Variants in EYA3 observed in about 807,000 individuals in gnomAD.
EYA3 encodes the protein protein phosphatase EYA3.
A neutral mutation model predicts 80.0 loss-of-function variants in EYA3; 39 were observed. That is an observed-to-expected ratio of 0.49 (90% CI 0.38 to 0.64). The LOEUF is 0.64. Among genes scored for constraint, EYA3 ranks in the 30% least tolerant of loss-of-function variants. The pLI is 0.00. For synonymous variants in EYA3, 206 were observed against 232.8 expected (o/e 0.88, Z 1.05); for missense variants, 523 against 676.1 (o/e 0.77, Z 2.51).
chr1:27,975,369 T>A (rs1194095788), intron 17 of EYA3, among the ~76,000 whole-genome samples: 1 of 152,002 alleles, frequency 6.6e-6, no homozygotes, highest in African/African-American at 2.4e-5. Flanking sequence ...TTTGTAGAGA[T>A]GAAGCCTCAC....
chr1:27,989,268 C>T (rs113139015), intron 15 of EYA3, among the ~76,000 whole-genome samples: 3,333 of 152,210 alleles, frequency 0.022, 99 homozygotes, highest in African/African-American at 0.067. Context: ...CTAAGCTTCA[C>T]GTTGAAATCT....
intron 7 of EYA3, among the ~76,000 whole-genome samples, chr1:28,025,116 G>A (rs1335251201): frequency 2.0e-5 from 3 of 152,162 alleles, no homozygotes; most frequent in East Asian, 1.9e-4. Context: ...AAGTAGGAGC[G>A]AGGAGAGTAA....
rs144061325 is a variant in EYA3, at chr1:27,978,465, C to T, written c.1550G>A (p.Ser517Asn). Reference sequence around the variant, plus strand: ...CCTTGACACAATTCTCTCAAAGCAGCTCTCCTTACCTGATGAGAAAAAGAA... The same window carrying T: ...CCTTGACACAATTCTCTCAAAGCAGTTCTCCTTACCTGATGAGAAAAAGAA... Reference protein sequence around the residue: ...IYSATKIGKESCFERIVSRFG... With the variant: ...IYSATKIGKENCFERIVSRFG... The change falls in exon 17 of 18, where the codon AGC (serine) becomes AAC (asparagine). Residue 517 changes from serine (S) to asparagine (N), a missense_variant. Ser to Asn is a conservative substitution (Grantham distance 46). This residue lies in a region of EYA3 where 219 missense variants were observed against 332.8 expected (regional missense o/e 0.66). Transcript: ENST00000373871. The T allele has an allele frequency of 6.2e-7, 1 of 1,613,798 alleles. No individual in the cohort carries two copies. The highest frequency in any genetic ancestry group is 2.2e-5 in the East Asian group (1 of 44,870).
intron 5 of EYA3, 41 bp from the exon 6 acceptor site, chr1:28,035,721 C>T (rs956153938): frequency 1.9e-6 from 3 of 1,601,886 alleles, no homozygotes; most frequent in African/African-American, 2.7e-5. Context: ...GTGTGATTTA[C>T]TTTAGTAACG....
At chr1:28,056,972 C>G (rs1644458931) in intron 2 of EYA3, among the ~76,000 whole-genome samples, 1 of 152,122 alleles carries the variant, frequency 6.6e-6, no homozygotes, top group Non-Finnish European at 1.5e-5. Context: ...TTAACCCTAC[C>G]ATTTCCCTGA....
rs1638797408 is a variant in EYA3, at chr1:27,973,247, G to C, written c.*1219C>G. 1 of 152,126 alleles carries C rather than the reference G, an allele frequency of 6.6e-6. No homozygotes were observed. The allele number at this position is 152,126 out of a possible 1,614,324, so 9.4% of individuals were successfully genotyped here. A position where few individuals can be genotyped will look rare whatever the true frequency, so the allele number is the denominator to read the frequency against. Reference sequence around the variant, plus strand: ...GAAGTCAAATACATTGGCAGTTTTGGCCAAAATGTAGTTATAAGCATGTTT... The same window carrying C: ...GAAGTCAAATACATTGGCAGTTTTGCCCAAAATGTAGTTATAAGCATGTTT... On this transcript the variant is annotated 3_prime_UTR_variant, in exon 18 of 18. Coordinates refer to ENST00000373871, the MANE Select transcript of EYA3 (RefSeq NM_001990.4).
intron 11 of EYA3, 47 bp downstream of exon 11, chr1:28,004,289 T>G (rs774602559): frequency 7.4e-7 from 1 of 1,347,932 alleles, no homozygotes; most frequent in Admixed American, 1.8e-5. Flanking sequence ...AGGGACTGAC[T>G]ATATAGTCAG....
chr1:28,000,153 TCC>T (rs1640726772), intron 11 of EYA3, 104 bp from the exon 12 acceptor site: 1 of 639,312 alleles, frequency 1.6e-6, no homozygotes, highest in Non-Finnish European at 2.7e-6. Context: ...ACACACGAGC[TCC>T]CAACTGTGCT....
chr1:27,997,445 T>A, intron 12 of EYA3, 67 bp from the exon 13 acceptor site: 1 of 1,349,268 alleles, frequency 7.4e-7, no homozygotes, highest in Non-Finnish European at 1.1e-6. Flanking sequence ...CATGACATAC[T>A]ATAAAAAGAC....
At chr1:28,082,084 T>A (rs2148957465) in intron 1 of EYA3, among the ~76,000 whole-genome samples, 1 of 152,206 alleles carries the variant, frequency 6.6e-6, no homozygotes, top group East Asian at 1.9e-4. Flanking sequence ...TAACAATACT[T>A]TCCCACCAAG....
chr1:28,030,730 G>A (rs1310885615), intron 6 of EYA3, among the ~76,000 whole-genome samples: 3 of 152,198 alleles, frequency 2.0e-5, no homozygotes, highest in Non-Finnish European at 4.4e-5. Flanking sequence ...CATAATTCAT[G>A]ATCATTTAAA....
chr1:28,053,822 G>A (rs1235538005), intron 2 of EYA3, among the ~76,000 whole-genome samples: 1 of 152,274 alleles, frequency 6.6e-6, no homozygotes, highest in Middle Eastern at 3.4e-3. Context: ...TTCAAGACAG[G>A]CTTAAGAAAC....
chr1:28,000,638 A>T (rs554491728), intron 11 of EYA3, among the ~76,000 whole-genome samples: 2 of 152,200 alleles, frequency 1.3e-5, no homozygotes, highest in African/African-American at 4.8e-5. Flanking sequence ...AAAAGATACA[A>T]TGCTGACCAG....
intron 1 of EYA3, among the ~76,000 whole-genome samples, chr1:28,064,933 C>T (rs1474528954): frequency 6.6e-6 from 1 of 152,152 alleles, no homozygotes; most frequent in Admixed American, 6.5e-5. Flanking sequence ...AATAATGTTG[C>T]AGGTTGAAGT....
chr1:28,049,264 C>T (rs1055270500), intron 2 of EYA3, among the ~76,000 whole-genome samples: 1 of 152,108 alleles, frequency 6.6e-6, no homozygotes, highest in African/African-American at 2.4e-5. Flanking sequence ...TAAAATTTGT[C>T]GTGGCCATAT....
intron 7 of EYA3, among the ~76,000 whole-genome samples, chr1:28,017,954 G>A (rs952420197): frequency 2.6e-5 from 4 of 152,074 alleles, no homozygotes; most frequent in East Asian, 1.9e-4. Flanking sequence ...CAGCACTTTC[G>A]GAGGCCGAGG....
chr1:28,005,739 C>A (rs184802633), intron 10 of EYA3, among the ~76,000 whole-genome samples: 11 of 151,408 alleles, frequency 7.3e-5, no homozygotes, highest in East Asian at 5.8e-4. Context: ...AAACAAAAAA[C>A]CCCCAAAAAA....
At chr1:27,976,413 T>A (rs1638930666) in intron 17 of EYA3, among the ~76,000 whole-genome samples, 2 of 151,792 alleles carry the variant, frequency 1.3e-5, no homozygotes, top group Admixed American at 1.3e-4. Context: ...TGAGCCAAGA[T>A]CATGCCACTG....
chr1:28,038,439 T>TGTAAA (rs1643576322), intron 5 of EYA3, among the ~76,000 whole-genome samples: 1 of 68,480 alleles, frequency 1.5e-5, no homozygotes, highest in South Asian at 5.0e-4. Flanking sequence ...GATTCTATCT[T>TGTAAA]AAAAAAAAAA....
Sources: gnomAD v4.1 joint callset for allele counts (sites outside exome capture counted in the v4.1 genomes callset) on GRCh38, gnomAD v4.1.1 for gene constraint, gnomAD v4.1.1 regional missense constraint, MANE v1.5 for transcripts, NCBI Gene and HGNC (gene_info 2026-07-23, HGNC 2026-07-21) for gene names.